Variants in CACNA1E observed in about 807,000 individuals in gnomAD.
CACNA1E encodes voltage-dependent R-type calcium channel subunit alpha-1E.
Under a neutral mutation model 259.2 loss-of-function variants are expected in CACNA1E, and 40 were observed. That is an observed-to-expected ratio of 0.15 (90% CI 0.12 to 0.20). The LOEUF (loss-of-function observed/expected upper bound fraction) is 0.20, where lower values mean the gene tolerates loss of function less well. Among genes scored for constraint, CACNA1E ranks in the 10% least tolerant of loss-of-function variants. The pLI, the probability that CACNA1E is intolerant of heterozygous loss-of-function variation, is 1.00. For synonymous variants in CACNA1E, 1,104 were observed against 1,138.5 expected, an observed-to-expected ratio of 0.97 and a Z score of 0.61; for missense variants, 1,874 against 3,040.1, an observed-to-expected ratio of 0.62 and a Z score of 9.02.
At chr1:181,489,956 T>C (rs1388802081) in intron 1 of CACNA1E, among the ~76,000 whole-genome samples, 5 of 152,204 alleles carry the variant, frequency 3.3e-5, no homozygotes, top group Admixed American at 1.3e-4. Flanking sequence ...AGGATGCACG[T>C]GTGGGTTCAC....
chr1:181,707,297 T>A (rs1652884258), intron 7 of CACNA1E, among the ~76,000 whole-genome samples: 1 of 152,218 alleles, frequency 6.6e-6, no homozygotes, highest in South Asian at 2.1e-4. Flanking sequence ...GCTTTACTTC[T>A]TTTAGCCAAG....
At chr1:181,795,767 AATATATATAT>A (rs72040839) in intron 46 of CACNA1E, among the ~76,000 whole-genome samples, 2 of 113,276 alleles carry the variant, frequency 1.8e-5, no homozygotes, top group Admixed American at 8.7e-5. Flanking sequence ...TTTTGCTTTA[AATATATATAT>A]ATATATATAT....
chr1:181,797,033 C>CA (rs1661872549), intron 47 of CACNA1E, among the ~76,000 whole-genome samples, 175 bp downstream of exon 47: 1 of 152,224 alleles, frequency 6.6e-6, no homozygotes, highest in Non-Finnish European at 1.5e-5. Flanking sequence ...CTTGTGTACT[C>CA]AGAGATGATC....
rs1053170183 is a variant in CACNA1E, at chr1:181,799,373, G to C, written c.*539G>C. 1 of 153,196 alleles carries C rather than the reference G, an allele frequency of 6.5e-6. No individual in the cohort carries two copies. The highest frequency in any genetic ancestry group is 2.4e-5 in the African/African-American group (1 of 41,486). 9.5% of individuals were successfully genotyped at this position (153,196 alleles called of 1,614,324 possible). On this transcript the variant is annotated 3_prime_UTR_variant, in exon 48 of 48. Transcript: ENST00000367573. ...GCTTGCTTCCCCCAGGGCAGCACAG[G>C]CTAAGTCAGGAACATCGGATGCCAG...
intron 35 of CACNA1E, among the ~76,000 whole-genome samples, chr1:181,768,718 C>A (rs1185709766): frequency 1.3e-5 from 2 of 152,226 alleles, no homozygotes; most frequent in African/African-American, 2.4e-5. Context: ...TCCACAGAGA[C>A]ATGAATGACA....
intron 1 of CACNA1E, among the ~76,000 whole-genome samples, chr1:181,364,025 G>A (rs1034646317): frequency 5.3e-5 from 8 of 152,160 alleles, no homozygotes; most frequent in African/African-American, 1.9e-4. Flanking sequence ...ATATTCACGG[G>A]GACTGGAGGT....
chr1:181,571,646 C>T (rs917278967), intron 3 of CACNA1E, among the ~76,000 whole-genome samples: 3 of 152,244 alleles, frequency 2.0e-5, no homozygotes, highest in Admixed American at 2.0e-4. Flanking sequence ...CTCATGGCCT[C>T]CTCATCACAT....
intron 3 of CACNA1E, among the ~76,000 whole-genome samples, chr1:181,537,095 C>CTTTTTTTTTTTT (rs201514362): frequency 8.0e-5 from 9 of 112,622 alleles, no homozygotes; most frequent in Non-Finnish European, 1.2e-4. Flanking sequence ...TTTTTCTTTT[C>CTTTTTTTTTTTT]TTTTTTTTTT....
chr1:181,580,263 CTT>C (rs1651396705), intron 5 of CACNA1E, among the ~76,000 whole-genome samples: 1 of 152,208 alleles, frequency 6.6e-6, no homozygotes, highest in Non-Finnish European at 1.5e-5. Flanking sequence ...GAAAACCTCA[CTT>C]TGCCTTTTCC....
At chr1:181,589,103 G>A (rs75656152) in intron 6 of CACNA1E, among the ~76,000 whole-genome samples, 6,318 of 152,254 alleles carry the variant, frequency 0.041, 308 homozygotes, top group East Asian at 0.29. Context: ...GCAGATTCCC[G>A]GGCCCTGCCC....
chr1:181,353,296 G>C (rs1475205397), intron 1 of CACNA1E, among the ~76,000 whole-genome samples: 1 of 152,148 alleles, frequency 6.6e-6, no homozygotes, highest in East Asian at 1.9e-4. Context: ...GTTCAGGCTT[G>C]GTCCCCAAGT....
chr1:181,700,161 A>G (rs1475615912), intron 7 of CACNA1E, among the ~76,000 whole-genome samples: 5 of 152,142 alleles, frequency 3.3e-5, no homozygotes, highest in Non-Finnish European at 1.5e-5. Context: ...AGAAGAATCA[A>G]ACAAAAGAGT....
At chr1:181,746,262 G>T (rs960854661) in intron 25 of CACNA1E, among the ~76,000 whole-genome samples, 13 of 152,228 alleles carry the variant, frequency 8.5e-5, no homozygotes, top group Non-Finnish European at 1.8e-4. Context: ...GGCACTGCCA[G>T]TGCAAAAGGG....
chr1:181,344,305 G>A (rs552947110), intron 1 of CACNA1E, among the ~76,000 whole-genome samples: 7 of 152,296 alleles, frequency 4.6e-5, no homozygotes, highest in East Asian at 1.9e-4. Flanking sequence ...ACGTACTTCC[G>A]TACGCATTCC....
intron 6 of CACNA1E, among the ~76,000 whole-genome samples, chr1:181,628,816 G>A (rs768059993): frequency 2.0e-5 from 3 of 152,178 alleles, no homozygotes; most frequent in Non-Finnish European, 4.4e-5. Flanking sequence ...TTTCAGCAGT[G>A]TTTAACATTC....
chr1:181,368,271 A>T (rs1654426718), intron 1 of CACNA1E, among the ~76,000 whole-genome samples: 1 of 142,208 alleles, frequency 7.0e-6, no homozygotes, highest in African/African-American at 2.7e-5. Flanking sequence ...TTAGACAGAG[A>T]AAGAGACTCT....
chr1:181,649,522 T>C (rs1658566548), intron 6 of CACNA1E, among the ~76,000 whole-genome samples: 1 of 152,128 alleles, frequency 6.6e-6, no homozygotes, highest in Non-Finnish European at 1.5e-5. Context: ...CAAAGGAATA[T>C]AAATCATTCG....
At chr1:181,729,708 T>C (rs1655286398) in intron 18 of CACNA1E, among the ~76,000 whole-genome samples, 2 of 152,194 alleles carry the variant, frequency 1.3e-5, no homozygotes, top group Non-Finnish European at 2.9e-5. Flanking sequence ...TAGGTATGAA[T>C]GTAAGTTTGA....
chr1:181,541,243 A>C (rs1250098177), intron 3 of CACNA1E, among the ~76,000 whole-genome samples: 2 of 152,232 alleles, frequency 1.3e-5, no homozygotes, highest in Non-Finnish European at 2.9e-5. Context: ...AAAAATCTTA[A>C]GATTTAACAG....
Sources: allele counts gnomAD v4.1 joint callset (sites outside exome capture counted in the v4.1 genomes callset), GRCh38; gene constraint gnomAD v4.1.1; transcripts MANE v1.5; gene names NCBI Gene and HGNC (gene_info 2026-07-23, HGNC 2026-07-21).